The following ZNF69 variants were observed in gnomAD, a reference collection of about 807,000 sequenced individuals.
The protein encoded by ZNF69 is ZNF3.
A neutral mutation model predicts 50.9 loss-of-function variants in ZNF69; 47 were observed. The ratio of observed to expected loss-of-function variants is 0.92; its 90% CI spans 0.73 to 1.18. The LOEUF (loss-of-function observed/expected upper bound fraction) is 1.18, where lower values mean the gene tolerates loss of function less well. ZNF69 is among the 50% of genes most tolerant of loss of function. ZNF69 has a pLI of 0.00. For synonymous variants in ZNF69, 216 were observed against 223.1 expected, an observed-to-expected ratio of 0.97 and a Z score of 0.29; for missense variants, 717 against 675.1, an observed-to-expected ratio of 1.06 and a Z score of -0.69.
At chr19:11,927,374 A>T in the ZNF69 span, among the ~76,000 whole-genome samples, 1 of 151,846 alleles carries the variant, frequency 6.6e-6, no homozygotes, top group Non-Finnish European at 1.5e-5. Flanking sequence ...AACAAACAGG[A>T]AAGAGGTCAA....
At chr19:11,951,454 C>G in the ZNF69 span, among the ~76,000 whole-genome samples, 1 of 151,960 alleles carries the variant, frequency 6.6e-6, no homozygotes, top group South Asian at 2.1e-4. Flanking sequence ...TGGTCTCAAA[C>G]TCCGGACCTC....
chr19:11,913,358 A>G (rs1972485313), intron 4 of ZNF69: 3 of 590,558 alleles, frequency 5.1e-6, no homozygotes, highest in Admixed American at 3.5e-5. Flanking sequence ...ATGCTTATGT[A>G]CTTACATTTT....
chr19:11,925,015 A>G, the ZNF69 span: 7 of 527,724 alleles, frequency 1.3e-5, no homozygotes, highest in Admixed American at 3.4e-5. Flanking sequence ...TGTCACTCAG[A>G]TGTGGGGGGC....
Position 11,905,213 on chromosome 19 carries a change from A to G in ZNF69, c.816A>G (p.Gly272=), listed in dbSNP as rs531165993. 4.3e-6 allele frequency: 7 copies of G among 1,614,194 alleles called. 1 individual carries two copies. The African/African-American group carries it at 6.7e-5, about 15-fold the overall frequency. The change falls in exon 4 of 4, where the codon GGA becomes GGG. Residue 272 remains glycine (G), a synonymous_variant. Coordinates refer to ENST00000429654, the MANE Select transcript of ZNF69 (RefSeq NM_001364730.1). ...TLRIHERTHT[G]EKPYECQQCG... Reference sequence around the variant, plus strand: ...GAATACACGAAAGAACTCACACTGGAGAAAAGCCTTATGAATGTCAGCAAT... The same window carrying G: ...GAATACACGAAAGAACTCACACTGGGGAAAAGCCTTATGAATGTCAGCAAT...
the ZNF69 span, chr19:11,947,013 G>A: frequency 1.7e-6 from 2 of 1,178,538 alleles, no homozygotes; most frequent in Non-Finnish European, 2.3e-6. Context: ...TAAATAAATT[G>A]CTTTATGGAA....
downstream of ZNF69, among the ~76,000 whole-genome samples, chr19:11,915,516 G>A (rs1289861938): frequency 6.6e-6 from 1 of 152,212 alleles, no homozygotes; most frequent in Non-Finnish European, 1.5e-5. Context: ...CTGGAGCACA[G>A]GCCCAAAGGG....
At chr19:11,925,076 C>T in the ZNF69 span, 2 of 967,090 alleles carry the variant, frequency 2.1e-6, no homozygotes, top group Non-Finnish European at 3.1e-6. Context: ...GCACTGCCCA[C>T]AGTTCATCCG....
chr19:11,978,004 C>T, the ZNF69 span: 1 of 1,324,636 alleles, frequency 7.5e-7, no homozygotes, highest in Non-Finnish European at 1.0e-6. Context: ...AACAATTCAG[C>T]CAGGGCAGAA....
the ZNF69 span, chr19:11,965,287 C>T: frequency 1.9e-6 from 3 of 1,600,124 alleles, no homozygotes; most frequent in South Asian, 3.3e-5. Context: ...TGCGGCGGGA[C>T]CCGGGCCTCC....
At chr19:11,949,700 C>A in the ZNF69 span, 13 of 1,613,872 alleles carry the variant, frequency 8.1e-6, no homozygotes, top group African/African-American at 1.6e-4. Context: ...AGGACTCACA[C>A]TGGAGAGAAA....
the ZNF69 span, among the ~76,000 whole-genome samples, chr19:11,955,497 T>A: frequency 4.6e-5 from 7 of 151,416 alleles, no homozygotes; most frequent in Admixed American, 6.6e-5. Flanking sequence ...AGGCTTAAGC[T>A]ATCCTTCCAC....
At chr19:11,938,299 CAT>C in the ZNF69 span, among the ~76,000 whole-genome samples, 2 of 152,028 alleles carry the variant, frequency 1.3e-5, no homozygotes, top group Admixed American at 6.6e-5. Context: ...GTTTGTTACA[CAT>C]GTATACATGT....
chr19:11,923,747 A>T, the ZNF69 span, among the ~76,000 whole-genome samples: 6 of 152,260 alleles, frequency 3.9e-5, no homozygotes, highest in East Asian at 1.2e-3. Context: ...TGTCTTATTT[A>T]CACAATGGGA....
chr19:11,924,337 T>A, the ZNF69 span, among the ~76,000 whole-genome samples: 2 of 141,718 alleles, frequency 1.4e-5, no homozygotes, highest in Admixed American at 1.5e-4. Context: ...GAGGCCGAGG[T>A]AAGAGAATGG....
chr19:11,939,895 G>T, the ZNF69 span: 4 of 151,866 alleles, frequency 2.6e-5, no homozygotes, highest in African/African-American at 9.7e-5. Context: ...ATTGTATTTT[G>T]CTTATTGCAA....
chr19:11,889,590 T>C (rs279186), intron 1 of ZNF69, among the ~76,000 whole-genome samples: 59,246 of 152,104 alleles, frequency 0.39, 14,062 homozygotes, highest in African/African-American at 0.67. Flanking sequence ...CTCAGCCTCC[T>C]GAGTAGCTGG....
chr19:11,912,662 G>A (rs536059753), intron 4 of ZNF69, among the ~76,000 whole-genome samples: 63 of 151,674 alleles, frequency 4.2e-4, no homozygotes, highest in African/African-American at 1.4e-3. Flanking sequence ...TGCTTTCGAT[G>A]TCATGAAAGG....
chr19:11,933,802 G>A, the ZNF69 span, among the ~76,000 whole-genome samples: 3 of 144,226 alleles, frequency 2.1e-5, no homozygotes, highest in South Asian at 2.1e-4. Flanking sequence ...CTGAGATGGC[G>A]CCACTGCACT....
chr19:11,944,420 C>T, the ZNF69 span, among the ~76,000 whole-genome samples: 22 of 152,296 alleles, frequency 1.4e-4, 3 homozygotes, highest in African/African-American at 5.1e-4. Context: ...CTCCACCTTT[C>T]CGGAACTCTG....
Sources: allele counts gnomAD v4.1 joint callset (sites outside exome capture counted in the v4.1 genomes callset), GRCh38; gene constraint gnomAD v4.1.1; transcripts MANE v1.5; gene names NCBI Gene and HGNC (gene_info 2026-07-23, HGNC 2026-07-21).